Variants in IQSEC1 observed in about 807,000 individuals in gnomAD.
The protein encoded by IQSEC1 is IQ motif and Sec7 domain ArfGEF 1.
IQSEC1 carries 31 observed loss-of-function variants against 91.0 expected under a neutral mutation model. The ratio of observed to expected loss-of-function variants is 0.34; its 90% CI spans 0.26 to 0.46. The LOEUF (loss-of-function observed/expected upper bound fraction) is 0.46, where lower values mean the gene tolerates loss of function less well. Ranked by LOEUF, IQSEC1 falls within the 20% of genes least tolerant of loss-of-function variation. The probability of loss-of-function intolerance (pLI) is 1.00; values close to 1 mark genes in which losing one functional copy is unlikely to be tolerated. For missense variants in IQSEC1, 1,388 were observed against 1,575.6 expected, an observed-to-expected ratio of 0.88 and a Z score of 2.02; for synonymous variants, 699 against 662.6, an observed-to-expected ratio of 1.05 and a Z score of -0.84.
rs1194560813 is a variant in IQSEC1 at position 13,259,211 on chromosome 3, C to A, written c.272+23500G>T. ...CTGCCATGCAGGCCCTGGGACGGGA[C>A]AGTTTCCACTGGAGCAGGACCTGGA... On this transcript the variant is annotated intron_variant, in intron 1 of 15. Transcript: ENST00000648114. This position sits in a 1 kb window ranked among gnomAD's most constrained non-coding sequence, Gnocchi z 4.6. Among the ~76,000 whole-genome samples the A allele has an allele frequency of 6.6e-6, 1 of 152,230 alleles. No individual in the cohort carries two copies. The highest frequency in any genetic ancestry group is 2.4e-5 in the African/African-American group (1 of 41,458).
intron 3 of IQSEC1, among the ~76,000 whole-genome samples, chr3:12,932,444 A>G (rs902592643): frequency 6.6e-6 from 1 of 152,234 alleles, no homozygotes; most frequent in Non-Finnish European, 1.5e-5. Flanking sequence ...TGTGAGACTC[A>G]GCTCACCCAC....
chr3:13,218,561 A>G (rs1223200032), intron 1 of IQSEC1, among the ~76,000 whole-genome samples: 1 of 152,246 alleles, frequency 6.6e-6, no homozygotes, highest in African/African-American at 2.4e-5. Context: ...TGCTTTTCAC[A>G]ACTCATGACT....
chr3:13,010,340 G>A (rs933990066), intron 1 of IQSEC1, among the ~76,000 whole-genome samples: 1 of 152,216 alleles, frequency 6.6e-6, no homozygotes, highest in Non-Finnish European at 1.5e-5. Flanking sequence ...ACCTCCAGGG[G>A]TGAATGCAGT....
intron 2 of IQSEC1, among the ~76,000 whole-genome samples, chr3:13,108,488 G>A (rs576409485): frequency 1.3e-5 from 2 of 152,122 alleles, no homozygotes; most frequent in South Asian, 2.1e-4. Context: ...CTCCACCAGC[G>A]GCAATGGGCA....
chr3:13,280,429 C>G (rs1362783989), intron 1 of IQSEC1, among the ~76,000 whole-genome samples: 1 of 152,190 alleles, frequency 6.6e-6, no homozygotes, highest in East Asian at 1.9e-4. Flanking sequence ...CCCGGGGGGG[C>G]CCAGAACCCC....
chr3:13,020,233 AGGTCTATCCCG>A (rs1703337090), intron 1 of IQSEC1, among the ~76,000 whole-genome samples: 1 of 152,180 alleles, frequency 6.6e-6, no homozygotes, highest in Non-Finnish European at 1.5e-5. Flanking sequence ...CCCACCCAGG[AGGTCTATCCCG>A]GGGTCTGGGG....
At chr3:13,101,300 T>C (rs1706058869) in intron 2 of IQSEC1, among the ~76,000 whole-genome samples, 1 of 151,766 alleles carries the variant, frequency 6.6e-6, no homozygotes, top group African/African-American at 2.4e-5. Flanking sequence ...GCTAACATGG[T>C]GAAACCCCAT....
chr3:13,106,544 G>T (rs960929144), intron 2 of IQSEC1, among the ~76,000 whole-genome samples: 20 of 152,228 alleles, frequency 1.3e-4, no homozygotes, highest in African/African-American at 4.8e-4. Flanking sequence ...AATCACATAG[G>T]AGTAGGAGAC....
chr3:13,065,254 G>C (rs1705195475), intron 1 of IQSEC1, among the ~76,000 whole-genome samples: 1 of 152,220 alleles, frequency 6.6e-6, no homozygotes, highest in African/African-American at 2.4e-5. Context: ...TCACCAGCTT[G>C]CTGAGGGAGC....
At chr3:13,115,500 T>C (rs1353461761) in intron 2 of IQSEC1, among the ~76,000 whole-genome samples, 1 of 152,214 alleles carries the variant, frequency 6.6e-6, no homozygotes, top group African/African-American at 2.4e-5. Flanking sequence ...AGCCCCCTGA[T>C]TTAGCCTTGC....
chr3:13,090,176 C>T (rs1274199394), intron 2 of IQSEC1, among the ~76,000 whole-genome samples: 1 of 151,992 alleles, frequency 6.6e-6, no homozygotes, highest in African/African-American at 2.4e-5. Context: ...CAAGATCGCG[C>T]CACTGCGCTC....
intron 1 of IQSEC1, among the ~76,000 whole-genome samples, chr3:13,262,047 C>T (rs1695398483): frequency 6.6e-6 from 1 of 152,234 alleles, no homozygotes; most frequent in South Asian, 2.1e-4. Flanking sequence ...GCAACAGGAA[C>T]AAGCACCTTT....
chr3:13,263,417 C>CT (rs869042445), intron 1 of IQSEC1, among the ~76,000 whole-genome samples: 1,482 of 103,262 alleles, frequency 0.014, 51 homozygotes, highest in African/African-American at 0.024. Flanking sequence ...GTACCTGACA[C>CT]TTTTTTTTTT....
In IQSEC1 at chr3:13,189,371, T is replaced by C. The variant is rs532695039; in HGVS notation, c.273-25238A>G. ...ATCCCCATTCATCCCCAGCTGACGG[T>C]TGAGGTCCTGCTCCAAGCTAATAAG... On this transcript the variant is annotated intron_variant, in intron 1 of 15. Coordinates refer to the IQSEC1 transcript ENST00000648114. Among the ~76,000 whole-genome samples the C allele has an allele frequency of 1.7e-4, 26 of 151,566 alleles. 1 individual carries two copies. The East Asian group carries it at 1.8e-3, about 11-fold the overall frequency.
chr3:13,016,533 C>T (rs1237891259), intron 1 of IQSEC1, among the ~76,000 whole-genome samples: 1 of 152,158 alleles, frequency 6.6e-6, no homozygotes, highest in Non-Finnish European at 1.5e-5. Flanking sequence ...AGGATCTGGC[C>T]CTGCCACCAC....
intron 1 of IQSEC1, among the ~76,000 whole-genome samples, chr3:13,250,401 T>C (rs1695173475): frequency 6.7e-6 from 1 of 148,932 alleles, no homozygotes; most frequent in South Asian, 2.1e-4. Flanking sequence ...TGTCAGCGAG[T>C]GCTATCAGCC....
Position 13,084,001 on chromosome 3 carries a change from A to G in IQSEC1, c.303-36479T>C, listed in dbSNP as rs183130760. Among the ~76,000 whole-genome samples, 4 of 152,236 alleles carry G rather than the reference A, an allele frequency of 2.6e-5. No homozygotes were observed. In the East Asian group the frequency reaches 5.8e-4, roughly 22 times the overall value. On this transcript the variant is annotated intron_variant, in intron 2 of 15. Transcript: ENST00000648114. ...CCAGGGAGGTGAGGGGAAGGGGTGG[A>G]CTGAGGGGAGGGCGGAAGGCCATAT...
At chr3:13,273,147 A>T (rs1695616330) in intron 1 of IQSEC1, among the ~76,000 whole-genome samples, 1 of 152,146 alleles carries the variant, frequency 6.6e-6, no homozygotes, top group Non-Finnish European at 1.5e-5. Flanking sequence ...CAGGCCAGAG[A>T]AGACAAAGAC....
intron 1 of IQSEC1, among the ~76,000 whole-genome samples, chr3:13,032,412 T>C (rs1184722181): frequency 1.3e-5 from 2 of 152,192 alleles, no homozygotes; most frequent in African/African-American, 4.8e-5. Flanking sequence ...TGTGCTGCCG[T>C]GACTTCCGCA....
Sources: allele counts gnomAD v4.1 joint callset (sites outside exome capture counted in the v4.1 genomes callset), GRCh38; gene constraint gnomAD v4.1.1; non-coding constraint Gnocchi (gnomAD v3.1); transcripts MANE v1.5; gene names NCBI Gene and HGNC (gene_info 2026-07-23, HGNC 2026-07-21).